SNX29: variants seen among roughly 807,000 people sequenced by gnomAD.
The protein encoded by SNX29 is sorting nexin-29.
In SNX29, 78 loss-of-function variants were observed where a neutral mutation model predicts 102.1. The ratio of observed to expected loss-of-function variants is 0.76; its 90% confidence interval spans 0.64 to 0.92. The LOEUF (loss-of-function observed/expected upper bound fraction) is 0.92. Ranked by LOEUF, SNX29 falls within the 40% of genes least tolerant of loss-of-function variation. SNX29 has a pLI of 0.00. For synonymous variants in SNX29, 580 were observed against 414.5 expected (o/e 1.40, Z -4.85); for missense variants, 1,280 against 1,061.7 (o/e 1.21, Z -2.86).
In SNX29 at chr16:12,555,044, G is replaced by A. The variant is rs148190733; in HGVS notation, c.2319-13462G>A. On this transcript the variant is annotated intron_variant, in intron 20 of 20. Coordinates refer to ENST00000566228, the MANE Select transcript of SNX29 (RefSeq NM_032167.5). ...TGTGCCTGCCTGGTGCCACCGAGCA[G>A]CCTCAAGAGGCTGGTTGGAGTTGTG... 1.8e-3 allele frequency among the ~76,000 whole-genome samples: 279 copies of A among 151,870 alleles called. 1 individual carries two copies. The highest frequency in any genetic ancestry group is 3.4e-3 in the Non-Finnish European group (229 of 68,002).
At chr16:12,531,121 C>G (rs750833313) in intron 20 of SNX29, among the ~76,000 whole-genome samples, 9 of 152,226 alleles carry the variant, frequency 5.9e-5, no homozygotes, top group Non-Finnish European at 1.3e-4. Context: ...AGCCCACCCT[C>G]TCATACCAAT....
chr16:12,539,212 C>G (rs535129756), intron 20 of SNX29, among the ~76,000 whole-genome samples: 2 of 152,154 alleles, frequency 1.3e-5, no homozygotes, highest in African/African-American at 2.4e-5. Flanking sequence ...CCACCATCAC[C>G]GTCAAGATAT....
chr16:12,479,955 C>T (rs1167474263), intron 19 of SNX29, among the ~76,000 whole-genome samples: 1 of 152,160 alleles, frequency 6.6e-6, no homozygotes, highest in Non-Finnish European at 1.5e-5. Flanking sequence ...CGTGACTTAA[C>T]ATTATCCAGG....
At chr16:12,158,862 A>T (rs1467054480) in intron 13 of SNX29, among the ~76,000 whole-genome samples, 1 of 152,138 alleles carries the variant, frequency 6.6e-6, no homozygotes. Context: ...TTAAGTATTG[A>T]CTTCTGTCCC....
intron 1 of SNX29, among the ~76,000 whole-genome samples, chr16:11,998,206 G>A (rs954520778): frequency 5.3e-5 from 8 of 152,152 alleles, no homozygotes; most frequent in Admixed American, 3.9e-4. Flanking sequence ...AGTGTGGAGC[G>A]TCTGCCCTTA....
At chr16:12,552,326 C>T (rs111497380) in intron 20 of SNX29, among the ~76,000 whole-genome samples, 7 of 152,154 alleles carry the variant, frequency 4.6e-5, no homozygotes, top group African/African-American at 9.7e-5. Flanking sequence ...TAATGGAACT[C>T]CTCTCCTGGC....
chr16:12,348,703 G>T (rs2151285931), intron 15 of SNX29, among the ~76,000 whole-genome samples: 1 of 152,308 alleles, frequency 6.6e-6, no homozygotes, highest in East Asian at 1.9e-4. Flanking sequence ...GGAGGAGAGA[G>T]GAGTGTGGCC....
chr16:12,191,820 C>A (rs951187625), intron 13 of SNX29, among the ~76,000 whole-genome samples: 1 of 152,194 alleles, frequency 6.6e-6, no homozygotes, highest in Non-Finnish European at 1.5e-5. Flanking sequence ...CCCTTCTTGC[C>A]TTTTATTGGT....
rs573262699 is a variant in SNX29 at position 12,362,890 on chromosome 16, G to T, written c.1899+6611G>T. On this transcript the variant is annotated intron_variant, in intron 16 of 20. Transcript: ENST00000566228. ...TTCTTTCTGCTCCCTTTGGGTTTCAGTGATTCACATGGTAGGTGTTCAGTA... is the reference window on the plus strand; with the variant it reads ...TTCTTTCTGCTCCCTTTGGGTTTCATTGATTCACATGGTAGGTGTTCAGTA... Among the ~76,000 whole-genome samples, 3 of 152,274 alleles carry T rather than the reference G, an allele frequency of 2.0e-5. No individual in the cohort carries two copies. In the East Asian group the frequency reaches 5.8e-4, roughly 29 times the overall value.
chr16:12,178,365 G>A (rs1304632988), intron 13 of SNX29, among the ~76,000 whole-genome samples: 1 of 152,140 alleles, frequency 6.6e-6, no homozygotes, highest in Non-Finnish European at 1.5e-5. Context: ...GAGGTGGGAG[G>A]TTTAAGTCAT....
chr16:12,143,976 AGC>A (rs1309445666), intron 13 of SNX29, among the ~76,000 whole-genome samples: 4 of 152,164 alleles, frequency 2.6e-5, no homozygotes, highest in Admixed American at 2.6e-4. Flanking sequence ...GGTGGCTTAG[AGC>A]AGAGTTTCTC....
At chr16:12,408,051 G>T (rs868834705) in intron 18 of SNX29, among the ~76,000 whole-genome samples, 2 of 152,098 alleles carry the variant, frequency 1.3e-5, no homozygotes, top group Non-Finnish European at 1.5e-5. Context: ...CCAGCTACTG[G>T]GGAGGCTGAG....
chr16:12,567,986 C>T (rs565465085), intron 20 of SNX29, among the ~76,000 whole-genome samples: 7 of 150,986 alleles, frequency 4.6e-5, no homozygotes, highest in African/African-American at 9.9e-5. Context: ...TTCCACTGTT[C>T]CTGGCTCTTA....
At chr16:12,189,237 C>A (rs2076584431) in intron 13 of SNX29, among the ~76,000 whole-genome samples, 1 of 152,204 alleles carries the variant, frequency 6.6e-6, no homozygotes. Flanking sequence ...TTTCTGCTGT[C>A]TAATCTTCAC....
chr16:12,200,420 C>T (rs1324729574), intron 14 of SNX29, among the ~76,000 whole-genome samples: 1 of 151,954 alleles, frequency 6.6e-6, no homozygotes, highest in Non-Finnish European at 1.5e-5. Flanking sequence ...AACAAAATTT[C>T]CTTAAAGACA....
chr16:12,331,691 A>G (rs531263541), intron 15 of SNX29, among the ~76,000 whole-genome samples: 1 of 152,210 alleles, frequency 6.6e-6, no homozygotes, highest in South Asian at 2.1e-4. Flanking sequence ...AGCTGGGACT[A>G]CAGGCGCCCG....
chr16:12,541,348 A>C (rs554020779), intron 20 of SNX29, among the ~76,000 whole-genome samples: 2 of 152,140 alleles, frequency 1.3e-5, no homozygotes, highest in African/African-American at 4.8e-5. Context: ...TACCTTCTTC[A>C]TTCTTCACAG....
chr16:12,379,717 G>A (rs1597151143), intron 16 of SNX29, among the ~76,000 whole-genome samples: 1 of 152,238 alleles, frequency 6.6e-6, no homozygotes, highest in Admixed American at 6.5e-5. Flanking sequence ...GAGAAATGAG[G>A]CTGATTTCTC....
At chr16:12,113,343 T>G (rs1596934499) in intron 11 of SNX29, among the ~76,000 whole-genome samples, 1 of 150,988 alleles carries the variant, frequency 6.6e-6, no homozygotes, top group African/African-American at 2.4e-5. Flanking sequence ...GGAGGTAGAG[T>G]CGCCGAGCCG....
Sources: allele counts gnomAD v4.1 joint callset (sites outside exome capture counted in the v4.1 genomes callset), GRCh38; gene constraint gnomAD v4.1.1; transcripts MANE v1.5; gene names NCBI Gene and HGNC (gene_info 2026-07-23, HGNC 2026-07-21).